The following TAOK1 variants were observed in gnomAD, a reference collection of about 807,000 sequenced individuals.
TAOK1 encodes serine/threonine-protein kinase TAO1.
Under a neutral mutation model 138.3 loss-of-function variants are expected in TAOK1, and 21 were observed. The observed-to-expected ratio is 0.15, with a 90% CI of 0.11 to 0.22. The LOEUF is 0.22. Ranked by LOEUF, TAOK1 falls within the 10% of genes least tolerant of loss-of-function variation. TAOK1 has a pLI of 1.00. For missense variants in TAOK1, 651 were observed against 1,227.7 expected (o/e 0.53, Z 7.02); for synonymous variants, 361 against 398.4 (o/e 0.91, Z 1.12).
At chr17:29,489,079 G>A (rs569387393) in intron 8 of TAOK1, among the ~76,000 whole-genome samples, 95 of 152,240 alleles carry the variant, frequency 6.2e-4, no homozygotes, top group African/African-American at 2.1e-3. Flanking sequence ...TAAATGACCT[G>A]ATTTAATGGA....
chr17:29,519,092 A>C (rs2031871260), intron 16 of TAOK1, among the ~76,000 whole-genome samples: 2 of 152,116 alleles, frequency 1.3e-5, no homozygotes, highest in South Asian at 4.1e-4. Context: ...GAGGAAATTC[A>C]CTGGGCAGTT....
intron 1 of TAOK1, among the ~76,000 whole-genome samples, chr17:29,410,139 G>A (rs1402549847): frequency 2.6e-5 from 4 of 152,108 alleles, no homozygotes; most frequent in Admixed American, 1.3e-4. Context: ...TGTGTGAGCG[G>A]GCAAAGCACT....
intron 11 of TAOK1, among the ~76,000 whole-genome samples, chr17:29,497,903 A>T (rs2153028203): frequency 6.6e-6 from 1 of 152,212 alleles, no homozygotes; most frequent in South Asian, 2.1e-4. Context: ...TGTGCCCAGA[A>T]TAGCCAGTGC....
chr17:29,488,497 G>A (rs1207783856), intron 8 of TAOK1, among the ~76,000 whole-genome samples: 2 of 151,864 alleles, frequency 1.3e-5, no homozygotes, highest in Admixed American at 6.6e-5. Flanking sequence ...GCTTGAACCC[G>A]GGAGGCGGAG....
chr17:29,401,629 CAG>C (rs1904845255), intron 1 of TAOK1, among the ~76,000 whole-genome samples: 1 of 151,378 alleles, frequency 6.6e-6, no homozygotes, highest in South Asian at 2.1e-4. Context: ...GGTAGGGACA[CAG>C]AGCCAAACCA....
chr17:29,419,472 G>C (rs1905361221), intron 1 of TAOK1, among the ~76,000 whole-genome samples: 1 of 150,040 alleles, frequency 6.7e-6, no homozygotes, highest in South Asian at 2.1e-4. Flanking sequence ...CTGGGAATGT[G>C]AGCCACTGCG....
intron 13 of TAOK1, among the ~76,000 whole-genome samples, chr17:29,505,402 G>A (rs1002520093): frequency 1.1e-4 from 17 of 152,018 alleles, no homozygotes; most frequent in African/African-American, 3.6e-4. Context: ...TAACCCAAGT[G>A]CCTTATATAA....
intron 1 of TAOK1, among the ~76,000 whole-genome samples, chr17:29,438,314 T>C (rs577902711): frequency 1.5e-3 from 227 of 152,352 alleles, no homozygotes; most frequent in African/African-American, 5.0e-3. Flanking sequence ...TGTTGTTTAC[T>C]ATTAGAATTA....
At chr17:29,483,650 T>C (rs963993073) in intron 8 of TAOK1, among the ~76,000 whole-genome samples, 5 of 152,234 alleles carry the variant, frequency 3.3e-5, no homozygotes, top group African/African-American at 1.2e-4. Context: ...GGAATTCCTC[T>C]GTTAACTACT....
intron 12 of TAOK1, among the ~76,000 whole-genome samples, chr17:29,500,356 C>T (rs2031501336): frequency 6.6e-6 from 1 of 152,014 alleles, no homozygotes; most frequent in Non-Finnish European, 1.5e-5. Context: ...TCCTTTTTCA[C>T]TTCACAGCTT....
chr17:29,483,457 T>A (rs2031103917), intron 8 of TAOK1, among the ~76,000 whole-genome samples: 1 of 152,208 alleles, frequency 6.6e-6, no homozygotes, highest in South Asian at 2.1e-4. Flanking sequence ...GATTAATCAT[T>A]ATCTACTCGA....
At position 29,522,464 on chromosome 17, in the gene TAOK1, G is replaced by A. The variant is rs200009812; in HGVS notation, c.2093G>A (p.Arg698Gln). ...NQLEYNKRRE[R>Q]ELRRKHVMEV... ...CTGGAATATAATAAGCGAAGAGAAC[G>A]AGAACTAAGACGAAAGCATGTCATG... The change falls in exon 17 of 20, where the codon CGA becomes CAA. Residue 698 changes from arginine to glutamine, a missense_variant. Arg to Gln is a conservative substitution (Grantham distance 43). Transcript: ENST00000261716. The A allele has an allele frequency of 4.3e-6, 7 of 1,614,142 alleles. No individual in the cohort carries two copies. The highest frequency in any genetic ancestry group is 4.0e-5 in the African/African-American group (3 of 75,030).
intron 1 of TAOK1, among the ~76,000 whole-genome samples, chr17:29,397,672 T>TATACATGTATATTCGTGTATG (rs74203913): frequency 5.0e-5 from 3 of 59,614 alleles, no homozygotes; most frequent in Non-Finnish European, 9.2e-5. Flanking sequence ...ATGATACATG[T>TATACATGTATATTCGTGTATG]ATACATGTAT....
At chr17:29,457,389 C>T (rs1363761775) in intron 2 of TAOK1, among the ~76,000 whole-genome samples, 9 of 145,480 alleles carry the variant, frequency 6.2e-5, no homozygotes, top group Admixed American at 4.8e-4. Flanking sequence ...AGGCGTGAGC[C>T]ACCACCCCAG....
At chr17:29,472,977 C>G (rs1027093736) in intron 3 of TAOK1, among the ~76,000 whole-genome samples, 4 of 152,196 alleles carry the variant, frequency 2.6e-5, no homozygotes, top group African/African-American at 9.6e-5. Context: ...ACATAAATCT[C>G]CTTTTATATC....
At chr17:29,474,540 G>C (rs1228362734) in intron 3 of TAOK1, among the ~76,000 whole-genome samples, 1 of 152,118 alleles carries the variant, frequency 6.6e-6, no homozygotes, top group Non-Finnish European at 1.5e-5. Flanking sequence ...CAGAGAATAG[G>C]GAGGCCCAAG....
intron 1 of TAOK1, among the ~76,000 whole-genome samples, chr17:29,397,672 T>TATACGTGTATATTCATGTATG (rs1555555357): frequency 3.4e-5 from 2 of 59,614 alleles, no homozygotes; most frequent in African/African-American, 1.5e-4. Flanking sequence ...ATGATACATG[T>TATACGTGTATATTCATGTATG]ATACATGTAT....
chr17:29,528,839 CAAAAA>C (rs58073512), intron 17 of TAOK1, among the ~76,000 whole-genome samples: 1 of 69,404 alleles, frequency 1.4e-5, no homozygotes, highest in Non-Finnish European at 2.5e-5. Flanking sequence ...GACTCCGTCT[CAAAAA>C]AAAAAAAAAA....
chr17:29,448,220 A>G (rs371861575), intron 1 of TAOK1, among the ~76,000 whole-genome samples: 4 of 151,686 alleles, frequency 2.6e-5, no homozygotes, highest in African/African-American at 4.8e-5. Flanking sequence ...TCTGATCCCT[A>G]TGTAATTCTG....
Sources: allele counts gnomAD v4.1 joint callset (sites outside exome capture counted in the v4.1 genomes callset), GRCh38; gene constraint gnomAD v4.1.1; transcripts MANE v1.5; gene names NCBI Gene and HGNC (gene_info 2026-07-23, HGNC 2026-07-21).